RAB20: variants seen among roughly 807,000 people sequenced by gnomAD.
The protein encoded by RAB20 is RAB20, member RAS oncogene family.
RAB20 carries 2 observed loss-of-function variants against 3.7 expected under a neutral mutation model. That is an observed-to-expected ratio of 0.54 (90% CI 0.22 to 1.69). The LOEUF (loss-of-function observed/expected upper bound fraction) is 1.69. Ranked by LOEUF, RAB20 falls within the 40% of genes most tolerant of loss-of-function variation. The probability of loss-of-function intolerance (pLI) is 0.19; values close to 1 mark genes in which losing one functional copy is unlikely to be tolerated. For missense variants in RAB20, 276 were observed against 311.9 expected, an observed-to-expected ratio of 0.88 and a Z score of 0.87; for synonymous variants, 126 against 130.8, an observed-to-expected ratio of 0.96 and a Z score of 0.25.
chr13:110,548,632 C>T (rs988751203), intron 1 of RAB20, among the ~76,000 whole-genome samples: 28 of 151,914 alleles, frequency 1.8e-4, no homozygotes, highest in African/African-American at 5.8e-4. Flanking sequence ...CTTTTTTATG[C>T]GGGGTCTGTC....
chr13:110,533,395 C>A (rs142715730), intron 1 of RAB20, among the ~76,000 whole-genome samples: 2 of 152,020 alleles, frequency 1.3e-5, no homozygotes, highest in African/African-American at 4.8e-5. Flanking sequence ...AATAATGGTG[C>A]GTGGAGGCCA....
At chr13:110,556,549 T>C (rs1885042117) in intron 1 of RAB20, among the ~76,000 whole-genome samples, 2 of 152,204 alleles carry the variant, frequency 1.3e-5, no homozygotes, top group South Asian at 2.1e-4. Flanking sequence ...TATTTATTCA[T>C]TTGAGACAGG....
At chr13:110,538,474 T>C (rs1412988548) in intron 1 of RAB20, among the ~76,000 whole-genome samples, 1 of 149,020 alleles carries the variant, frequency 6.7e-6, no homozygotes, top group East Asian at 2.0e-4. Context: ...GGTGTGGTGG[T>C]GCATCCCTGT....
intron 1 of RAB20, among the ~76,000 whole-genome samples, chr13:110,531,011 G>T (rs191300327): frequency 1.2e-4 from 18 of 152,216 alleles, no homozygotes; most frequent in African/African-American, 4.3e-4. Flanking sequence ...CCACGATCCC[G>T]TCCTGTATCA....
intron 1 of RAB20, among the ~76,000 whole-genome samples, chr13:110,539,716 C>T (rs955044268): frequency 1.1e-4 from 16 of 152,072 alleles, no homozygotes; most frequent in Non-Finnish European, 2.1e-4. Context: ...CCCGCCACCA[C>T]GCCTGGCTAA....
chr13:110,523,942 G>A lies in RAB20; in HGVS notation c.428C>T (p.Pro143Leu), dbSNP rs1212526575. The change falls in exon 2 of 2, where the codon CCA becomes CTA. Residue 143 changes from proline to leucine, a missense_variant. Physicochemically the swap from Pro to Leu is moderately conservative, Grantham distance 98. Coordinates refer to ENST00000267328, the MANE Select transcript of RAB20 (RefSeq NM_017817.3). ...CAGCTGCACCTGCTTAGGTGCCCTT[G>A]GGGAGACACGGTCCCCAGCGTCCAT... ...PNMDAGDRVS[P>L]RAPKQVQLED... is the part of the protein sequence containing the mutation. The A allele has an allele frequency of 1.2e-6, 2 of 1,614,118 alleles. No individual in the cohort carries two copies. The highest frequency in any genetic ancestry group is 1.7e-6 in the Non-Finnish European group (2 of 1,180,022).
intron 1 of RAB20, 147 bp downstream of exon 1, chr13:110,561,201 G>T: frequency 9.2e-7 from 1 of 1,087,508 alleles, no homozygotes; most frequent in Non-Finnish European, 1.2e-6. Context: ...AACCAGCAAG[G>T]GAGGACGAGT....
chr13:110,526,954 G>A (rs1269337018), intron 1 of RAB20, among the ~76,000 whole-genome samples: 4 of 152,166 alleles, frequency 2.6e-5, no homozygotes, highest in Non-Finnish European at 5.9e-5. Flanking sequence ...AAGGGGTCCT[G>A]GGCTTGTACC....
chr13:110,561,262 G>C, intron 1 of RAB20, 86 bp downstream of exon 1: 1 of 1,420,212 alleles, frequency 7.0e-7, no homozygotes, highest in Non-Finnish European at 9.2e-7. Flanking sequence ...GACCCTGTGC[G>C]CGGCCGGGTG....
At chr13:110,560,698 G>T (rs532738706) in intron 1 of RAB20, among the ~76,000 whole-genome samples, 37 of 152,028 alleles carry the variant, frequency 2.4e-4, no homozygotes, top group Non-Finnish European at 3.8e-4. Context: ...TTGTACTTTT[G>T]AAAAGTCACA....
intron 1 of RAB20, among the ~76,000 whole-genome samples, chr13:110,557,965 G>C (rs914915036): frequency 1.3e-5 from 2 of 152,260 alleles, no homozygotes; most frequent in Admixed American, 1.3e-4. Context: ...ATGTGAAGCT[G>C]TACCATTCAC....
chr13:110,559,830 T>G (rs1417015658), intron 1 of RAB20, among the ~76,000 whole-genome samples: 3 of 152,214 alleles, frequency 2.0e-5, no homozygotes, highest in Non-Finnish European at 4.4e-5. Flanking sequence ...TTCCCTCCGA[T>G]GCAGGGGCCG....
rs1306794043 is a variant in RAB20 at position 110,534,976 on chromosome 13, G to GT, written c.173-10780_173-10779insA. Among the ~76,000 whole-genome samples, 4 of 151,264 alleles carry GT rather than the reference G, an allele frequency of 2.6e-5. No individual in the cohort carries two copies. In the South Asian group the frequency reaches 6.3e-4, roughly 24 times the overall value. On this transcript the variant is annotated intron_variant, in intron 1 of 1. Transcript: ENST00000267328. ...AGCCTCCCAAGCAGGTGGGACTACAGGTGTGTACCACCACGCCTGGCTAAT... is the reference window on the plus strand; with the variant it reads ...AGCCTCCCAAGCAGGTGGGACTACAGTGTGTGTACCACCACGCCTGGCTAAT...
intron 1 of RAB20, among the ~76,000 whole-genome samples, chr13:110,553,093 A>G (rs773890204): frequency 1.3e-5 from 2 of 152,266 alleles, no homozygotes; most frequent in African/African-American, 2.4e-5. Flanking sequence ...TTGCTGGTCA[A>G]TAAAGCAGAG....
At chr13:110,544,116 A>C (rs909729065) in intron 1 of RAB20, among the ~76,000 whole-genome samples, 1 of 152,134 alleles carries the variant, frequency 6.6e-6, no homozygotes, top group Non-Finnish European at 1.5e-5. Flanking sequence ...GTGCATATGG[A>C]TATCCAGTTT....
At chr13:110,559,898 C>T (rs1457709134) in intron 1 of RAB20, among the ~76,000 whole-genome samples, 1 of 152,156 alleles carries the variant, frequency 6.6e-6, no homozygotes, top group Non-Finnish European at 1.5e-5. Context: ...AAGAGTCTGC[C>T]TCCAACGGTG....
At chr13:110,524,688 C>G (rs1884397458) in intron 1 of RAB20, among the ~76,000 whole-genome samples, 1 of 152,232 alleles carries the variant, frequency 6.6e-6, no homozygotes, top group Non-Finnish European at 1.5e-5. Flanking sequence ...CCCAGCTGCC[C>G]TGTGCTGCCC....
chr13:110,555,818 G>C lies in RAB20; in HGVS notation c.172+5530C>G, dbSNP rs568868425. 1.3e-5 allele frequency among the ~76,000 whole-genome samples: 2 copies of C among 152,174 alleles called. No homozygotes were observed. Among genetic ancestry groups the C allele is most frequent in the Non-Finnish European group, 2.9e-5 (2 of 68,032 alleles). On this transcript the variant is annotated intron_variant, in intron 1 of 1. Coordinates refer to ENST00000267328, the MANE Select transcript of RAB20 (RefSeq NM_017817.3). The surrounding 1 kb of genome is among the most constrained non-coding windows in gnomAD (Gnocchi z 4.0). ...ATTCTCACTCTTTACCACGGCCACC[G>C]CGAGTGCCCCCAGCCTTCCCTCCTC...
intron 1 of RAB20, among the ~76,000 whole-genome samples, chr13:110,556,236 G>A (rs1244803227): frequency 6.6e-6 from 1 of 152,240 alleles, no homozygotes; most frequent in East Asian, 1.9e-4. Context: ...ACAAGGGCCA[G>A]GATGGATCCC....
Sources: allele counts gnomAD v4.1 joint callset (sites outside exome capture counted in the v4.1 genomes callset), GRCh38; gene constraint gnomAD v4.1.1; non-coding constraint Gnocchi (gnomAD v3.1); transcripts MANE v1.5; gene names NCBI Gene and HGNC (gene_info 2026-07-23, HGNC 2026-07-21).